The following KLKB1 variants were observed in gnomAD, a reference collection of about 807,000 sequenced individuals.
The protein encoded by KLKB1 is kallikrein B1, also known as plasma kallikrein.
In KLKB1, 58 loss-of-function variants were observed where a neutral mutation model predicts 73.6. The observed-to-expected ratio is 0.79, with a 90% CI of 0.64 to 0.98. KLKB1 has a LOEUF of 0.98. Ranked by LOEUF, KLKB1 falls within the 50% of genes least tolerant of loss-of-function variation. The pLI is 0.00. For missense variants in KLKB1, 737 were observed against 763.8 expected, an observed-to-expected ratio of 0.96 and a Z score of 0.41; for synonymous variants, 280 against 258.1, an observed-to-expected ratio of 1.08 and a Z score of -0.81.
chr4:186,237,976 G>T (rs1312120411), intron 5 of KLKB1, among the ~76,000 whole-genome samples: 1 of 152,002 alleles, frequency 6.6e-6, no homozygotes, highest in South Asian at 2.1e-4. Flanking sequence ...GCGAATTTTG[G>T]TGTCATTTTT....
intron 2 of KLKB1, chr4:186,212,244 A>G (rs1736747285): frequency 6.6e-6 from 1 of 152,188 alleles, no homozygotes; most frequent in African/African-American, 2.4e-5. Flanking sequence ...TCATTAGAAC[A>G]TGAGTCCTCT....
chr4:186,233,528 C>T (rs983384976), intron 3 of KLKB1, among the ~76,000 whole-genome samples: 12 of 152,162 alleles, frequency 7.9e-5, no homozygotes, highest in African/African-American at 2.9e-4. Flanking sequence ...ACATCTAAGA[C>T]AGAGGGAAGT....
At chr4:186,248,642 C>G (rs925511461) in intron 6 of KLKB1, among the ~76,000 whole-genome samples, 26 of 127,194 alleles carry the variant, frequency 2.0e-4, no homozygotes, top group African/African-American at 8.1e-4. Context: ...CTGCTATGGA[C>G]AACAGTTTTT....
intron 2 of KLKB1, among the ~76,000 whole-genome samples, chr4:186,220,834 G>T (rs148412682): frequency 7.4e-6 from 1 of 135,972 alleles, no homozygotes; most frequent in African/African-American, 2.9e-5. Flanking sequence ...CATTAAATGA[G>T]ATTGGAAGTG....
chr4:186,251,688 C>A (rs2126670471), intron 9 of KLKB1, 39 bp downstream of exon 9: 3 of 1,606,760 alleles, frequency 1.9e-6, no homozygotes, highest in South Asian at 1.1e-5. Flanking sequence ...GTTGACATGA[C>A]CATTTCATAT....
Position 186,251,478 on chromosome 4 carries a change from T to C in KLKB1, c.869-9T>C. 2 of 1,613,142 alleles carry C rather than the reference T, an allele frequency of 1.2e-6. No individual in the cohort carries two copies. The highest frequency in any genetic ancestry group is 1.7e-6 in the Non-Finnish European group (2 of 1,179,154). On this transcript the variant is annotated splice_polypyrimidine_tract_variant and intron_variant, in intron 8 of 14. Transcript: ENST00000264690. ...ATCTGATATCTTTTTGTGTTTATAA[T>C]TGACACAGAACCCTGCCATTCTAAA...
intron 6 of KLKB1, among the ~76,000 whole-genome samples, chr4:186,249,808 G>A (rs1428498859): frequency 6.6e-6 from 1 of 152,090 alleles, no homozygotes; most frequent in Non-Finnish European, 1.5e-5. Flanking sequence ...TAATAAAAGT[G>A]GATTGTCTCC....
At chr4:186,250,047 C>T (rs1177355604) in intron 6 of KLKB1, among the ~76,000 whole-genome samples, 196 bp from the exon 7 acceptor site, 3 of 152,168 alleles carry the variant, frequency 2.0e-5, no homozygotes, top group East Asian at 1.9e-4. Context: ...GAATTTGCCC[C>T]TTAGAGTTAG....
At chr4:186,212,601 A>T (rs1249311867) in intron 2 of KLKB1, 4 of 152,232 alleles carry the variant, frequency 2.6e-5, no homozygotes, top group Non-Finnish European at 4.4e-5. Flanking sequence ...CCAATCTCTC[A>T]TAGTGCCTCA....
At chr4:186,254,927 C>T (rs184550179) in intron 12 of KLKB1, among the ~76,000 whole-genome samples, 164 bp downstream of exon 12, 2 of 152,244 alleles carry the variant, frequency 1.3e-5, no homozygotes, top group Non-Finnish European at 2.9e-5. Context: ...CGCGACTTGC[C>T]GTGAAATCTC....
At chr4:186,252,461 A>G (rs1738735391) in intron 11 of KLKB1, among the ~76,000 whole-genome samples, 1 of 151,674 alleles carries the variant, frequency 6.6e-6, no homozygotes, top group African/African-American at 2.4e-5. Context: ...ACCACCCACC[A>G]CCAATCCCAC....
intron 5 of KLKB1, among the ~76,000 whole-genome samples, 162 bp downstream of exon 5, chr4:186,237,102 A>G (rs1737735569): frequency 6.6e-6 from 1 of 151,540 alleles, no homozygotes; most frequent in African/African-American, 2.4e-5. Flanking sequence ...TCTTTTATTT[A>G]TTTATTTATT....
chr4:186,245,356 C>T (rs187187912), intron 6 of KLKB1, among the ~76,000 whole-genome samples: 20 of 152,256 alleles, frequency 1.3e-4, no homozygotes, highest in Admixed American at 9.2e-4. Context: ...CTAAGGTGAT[C>T]GGGCAGCGTC....
At chr4:186,226,902 G>A (rs974135945), upstream of KLKB1, among the ~76,000 whole-genome samples, 5 of 152,272 alleles carry the variant, frequency 3.3e-5, no homozygotes, top group South Asian at 6.2e-4. Flanking sequence ...GCTGGAGCAG[G>A]CCTGAAGTCT....
chr4:186,245,824 G>GTTTTTTTTTTTTTTTTTTTTTTTTTTTTT (rs1402408736), intron 6 of KLKB1, among the ~76,000 whole-genome samples: 1 of 109,998 alleles, frequency 9.1e-6, no homozygotes, highest in African/African-American at 3.0e-5. Flanking sequence ...TTGTTTTTTG[G>GTTTTTTTTTTTTTTTTTTTTTTTTTTTTT]TTTTTTTTTT....
chr4:186,249,260 T>C (rs1738543000), intron 6 of KLKB1, among the ~76,000 whole-genome samples: 1 of 152,180 alleles, frequency 6.6e-6, no homozygotes, highest in African/African-American at 2.4e-5. Context: ...TTGCTTATGA[T>C]TTGTTCTTAG....
chr4:186,247,232 T>C (rs1738400034), intron 6 of KLKB1, among the ~76,000 whole-genome samples: 1 of 152,112 alleles, frequency 6.6e-6, no homozygotes, highest in South Asian at 2.1e-4. Context: ...CGTGTGTCCA[T>C]GCGAAGAGAC....
upstream of KLKB1, among the ~76,000 whole-genome samples, chr4:186,226,713 G>A (rs1280339570): frequency 6.6e-6 from 1 of 152,178 alleles, no homozygotes; most frequent in Non-Finnish European, 1.5e-5. Flanking sequence ...AAGGTCCACT[G>A]GGGTGAGCCC....
chr4:186,229,521 C>A (rs1364221055), intron 2 of KLKB1, among the ~76,000 whole-genome samples: 1 of 151,968 alleles, frequency 6.6e-6, no homozygotes, highest in Non-Finnish European at 1.5e-5. Flanking sequence ...TGTGCACATT[C>A]TTATGCTCTT....
Sources: allele counts gnomAD v4.1 joint callset (sites outside exome capture counted in the v4.1 genomes callset), GRCh38; gene constraint gnomAD v4.1.1; transcripts MANE v1.5; gene names NCBI Gene and HGNC (gene_info 2026-07-23, HGNC 2026-07-21).